CNEP1R1: variants seen among roughly 807,000 people sequenced by gnomAD.
CNEP1R1 encodes CTD nuclear envelope phosphatase 1 regulatory subunit 1, also known as nuclear envelope phosphatase-regulatory subunit 1.
CNEP1R1 carries 10 observed loss-of-function variants against 22.7 expected under a neutral mutation model. The observed-to-expected ratio is 0.44, with a 90% CI of 0.27 to 0.75. The LOEUF (loss-of-function observed/expected upper bound fraction) is 0.75. Ranked by LOEUF, CNEP1R1 falls within the 30% of genes least tolerant of loss-of-function variation. CNEP1R1 has a pLI of 0.17. For missense variants in CNEP1R1, 73 were observed against 151.5 expected (o/e 0.48, Z 2.72); for synonymous variants, 53 against 50.1 (o/e 1.06, Z -0.25).
intron 1 of CNEP1R1, 83 bp downstream of exon 1, chr16:50,025,423 C>A: frequency 7.4e-7 from 1 of 1,349,090 alleles, no homozygotes; most frequent in Non-Finnish European, 9.8e-7. Flanking sequence ...GTGAAGACCC[C>A]CGCCCCGGGA....
intron 3 of CNEP1R1, among the ~76,000 whole-genome samples, chr16:50,030,819 G>C (rs1373101008): frequency 6.6e-6 from 1 of 151,990 alleles, no homozygotes; most frequent in Non-Finnish European, 1.5e-5. Context: ...ATTTATCTCT[G>C]AAAAAAAATT....
chr16:50,027,679 T>A (rs868451859), intron 2 of CNEP1R1, among the ~76,000 whole-genome samples: 11 of 142,474 alleles, frequency 7.7e-5, no homozygotes, highest in African/African-American at 2.3e-4. Context: ...ACCCTGTGTT[T>A]AAAAAAAAAA....
intron 1 of CNEP1R1, chr16:50,026,106 C>T: frequency 2.4e-6 from 1 of 424,332 alleles, no homozygotes; most frequent in Non-Finnish European, 4.2e-6. Context: ...TTGGCGCTGG[C>T]CGAGGCTGCT....
chr16:50,035,085 T>C (rs946373581), intron 5 of CNEP1R1, among the ~76,000 whole-genome samples: 7 of 152,008 alleles, frequency 4.6e-5, no homozygotes, highest in Non-Finnish European at 1.0e-4. Flanking sequence ...GGCATGGTGG[T>C]TCACACCTGT....
rs750435061 is a variant in CNEP1R1, at chr16:50,029,608, A to G, written c.98-117A>G. 5.5e-5 allele frequency: 31 copies of G among 568,166 alleles called. No individual in the cohort carries two copies. In the African/African-American group the frequency reaches 5.5e-4, roughly 10 times the overall value. The allele number at this position is 568,166 out of a possible 1,614,324, so 35.2% of individuals were successfully genotyped here. On this transcript the variant is annotated intron_variant, in intron 2 of 5. Transcript: ENST00000427478. Reference sequence around the variant, plus strand: ...TCTAATTCCTGAGTCTAGTTAGTGCATTTTCCATTTAATAAAGTGCTATAT... The same window carrying G: ...TCTAATTCCTGAGTCTAGTTAGTGCGTTTTCCATTTAATAAAGTGCTATAT...
chr16:50,025,279 G>C lies in CNEP1R1; in HGVS notation c.-37G>C. 6 of 1,407,830 alleles carry C rather than the reference G, an allele frequency of 4.3e-6. No homozygotes were observed. The highest frequency in any genetic ancestry group is 1.6e-5 in the South Asian group (1 of 63,794). The allele number at this position is 1,407,830 out of a possible 1,614,324, so 87.2% of individuals were successfully genotyped here. Reference sequence around the variant, plus strand: ...CGGGGGCCGCGGAAGCTGCGATGCGGACAGGGCAGCGGCGGTGACCCGAGC... The same window carrying C: ...CGGGGGCCGCGGAAGCTGCGATGCGCACAGGGCAGCGGCGGTGACCCGAGC... On this transcript the variant is annotated 5_prime_UTR_variant, in exon 1 of 6. Coordinates refer to ENST00000427478, the MANE Select transcript of CNEP1R1 (RefSeq NM_001281789.2).
At chr16:50,026,954 CAA>C (rs1364228446) in intron 2 of CNEP1R1, 2 of 152,012 alleles carry the variant, frequency 1.3e-5, no homozygotes, top group African/African-American at 4.8e-5. Flanking sequence ...GCCTGGGCGA[CAA>C]GAGTAAAACC....
intron 4 of CNEP1R1, among the ~76,000 whole-genome samples, chr16:50,033,758 G>A (rs1412936299): frequency 1.3e-5 from 2 of 151,462 alleles, no homozygotes; most frequent in South Asian, 4.2e-4. Flanking sequence ...CAGCTACTCG[G>A]GAGGCTGAGG....
intron 2 of CNEP1R1, among the ~76,000 whole-genome samples, chr16:50,027,097 A>C (rs1030689330): frequency 2.6e-5 from 4 of 152,298 alleles, no homozygotes; most frequent in African/African-American, 9.6e-5. Flanking sequence ...TATTGGAATA[A>C]AATTTTAGTA....
At chr16:50,033,574 C>A (rs2036249730) in intron 4 of CNEP1R1, 68 bp downstream of exon 4, 2 of 863,768 alleles carry the variant, frequency 2.3e-6, no homozygotes, top group Admixed American at 2.3e-5. Flanking sequence ...TGGTTAAAAG[C>A]TTACTCTTGC....
chr16:50,033,118 AG>A (rs2036245430), intron 3 of CNEP1R1, among the ~76,000 whole-genome samples: 1 of 152,100 alleles, frequency 6.6e-6, no homozygotes, highest in East Asian at 1.9e-4. Context: ...TATTTTTGAT[AG>A]GGTTGTTTTT....
chr16:50,033,186 C>G (rs1392663845), intron 3 of CNEP1R1, among the ~76,000 whole-genome samples: 4 of 152,112 alleles, frequency 2.6e-5, no homozygotes, highest in African/African-American at 4.8e-5. Context: ...GGAGGGAATA[C>G]TGCTATATTT....
At chr16:50,025,440 C>G in intron 1 of CNEP1R1, 100 bp downstream of exon 1, 1 of 1,280,876 alleles carries the variant, frequency 7.8e-7, no homozygotes, top group Admixed American at 3.0e-5. Context: ...GGGAGGAGGC[C>G]GCAGAGGATG....
chr16:50,028,035 G>A (rs1450087178), intron 2 of CNEP1R1, among the ~76,000 whole-genome samples: 1 of 152,164 alleles, frequency 6.6e-6, no homozygotes, highest in East Asian at 1.9e-4. Flanking sequence ...TTCGCTCACT[G>A]CAACCTCTGC....
Position 50,025,227 on chromosome 16 carries a change from A to G in CNEP1R1, c.-89A>G, listed in dbSNP as rs894713544. 2.0e-4 allele frequency: 250 copies of G among 1,257,784 alleles called. No homozygotes were observed. Among genetic ancestry groups the G allele is most frequent in the Admixed American group, 3.3e-4 (9 of 27,626 alleles). 77.9% of individuals were successfully genotyped at this position (1,257,784 alleles called of 1,614,324 possible). ...GGGAGGGGCAGCGGGGAGCGGTTAG[A>G]GGTGGGAGTTGGCGCTGCGGGCCGG... is the stretch of plus-strand genomic sequence containing the variant. On this transcript the variant is annotated 5_prime_UTR_variant, in exon 1 of 6. Coordinates refer to ENST00000427478, the MANE Select transcript of CNEP1R1 (RefSeq NM_001281789.2).
chr16:50,032,687 C>G (rs2036241149), intron 3 of CNEP1R1, among the ~76,000 whole-genome samples: 1 of 152,140 alleles, frequency 6.6e-6, no homozygotes, highest in African/African-American at 2.4e-5. Flanking sequence ...AGAGTTTGCT[C>G]AACTCTTTTA....
intron 1 of CNEP1R1, chr16:50,025,864 A>C: frequency 1.6e-6 from 1 of 614,780 alleles, no homozygotes; most frequent in Non-Finnish European, 2.9e-6. Context: ...GGCAAGGGGA[A>C]TGTCTTTCCA....
intron 1 of CNEP1R1, chr16:50,025,745 C>T (rs781767437): frequency 5.8e-6 from 9 of 1,542,574 alleles, no homozygotes; most frequent in Non-Finnish European, 8.1e-6. Context: ...AAGCACACCA[C>T]TGCGGAAAGG....
chr16:50,025,838 G>A, intron 1 of CNEP1R1: 1 of 694,300 alleles, frequency 1.4e-6, no homozygotes, highest in South Asian at 1.7e-5. Context: ...AAGATCACCT[G>A]TACCCCTTCG....
Sources: gnomAD v4.1 joint callset for allele counts (sites outside exome capture counted in the v4.1 genomes callset) on GRCh38, gnomAD v4.1.1 for gene constraint, MANE v1.5 for transcripts, NCBI Gene and HGNC (gene_info 2026-07-23, HGNC 2026-07-21) for gene names.